Variants in GRIN2B observed in about 807,000 individuals in gnomAD.
GRIN2B encodes glutamate ionotropic receptor NMDA type subunit 2B.
GRIN2B carries 5 observed loss-of-function variants against 114.5 expected under a neutral mutation model. That is an observed-to-expected ratio of 0.04 (90% confidence interval 0.02 to 0.09). GRIN2B has a LOEUF of 0.09. Ranked by LOEUF, GRIN2B falls within the 10% of genes least tolerant of loss-of-function variation. The pLI is 1.00. For synonymous variants in GRIN2B, 787 were observed against 745.1 expected (o/e 1.06, Z -0.92); for missense variants, 1,108 against 1,943.5 (o/e 0.57, Z 8.08).
At chr12:13,571,510 C>T (rs1948708211) in intron 11 of GRIN2B, among the ~76,000 whole-genome samples, 1 of 152,182 alleles carries the variant, frequency 6.6e-6, no homozygotes. Context: ...AATACCTTAT[C>T]CTTCACTCTG....
intron 2 of GRIN2B, among the ~76,000 whole-genome samples, chr12:13,938,955 A>G (rs1038100593): frequency 2.0e-5 from 3 of 152,168 alleles, no homozygotes; most frequent in Non-Finnish European, 2.9e-5. Context: ...TCTTTTTGCC[A>G]TTACATCAAA....
At chr12:13,842,009 T>C (rs1865387827) in intron 3 of GRIN2B, among the ~76,000 whole-genome samples, 1 of 152,084 alleles carries the variant, frequency 6.6e-6, no homozygotes, top group Non-Finnish European at 1.5e-5. Context: ...CAGAAACCTC[T>C]CCTCTAAGCA....
chr12:13,947,316 G>A (rs533668875), intron 2 of GRIN2B, among the ~76,000 whole-genome samples: 17 of 152,108 alleles, frequency 1.1e-4, no homozygotes, highest in Admixed American at 9.8e-4. Context: ...ACTGAGGCTC[G>A]CCATGTGAAT....
chr12:13,906,074 C>T (rs1001855716), intron 2 of GRIN2B, among the ~76,000 whole-genome samples: 15 of 152,148 alleles, frequency 9.9e-5, no homozygotes, highest in African/African-American at 3.6e-4. Flanking sequence ...GCTCCCAATA[C>T]TTTTCTTGGA....
At chr12:13,879,357 T>A (rs1214617327) in intron 2 of GRIN2B, among the ~76,000 whole-genome samples, 2 of 152,174 alleles carry the variant, frequency 1.3e-5, no homozygotes, top group Non-Finnish European at 2.9e-5. Flanking sequence ...ACATAGAAGA[T>A]GTGCAGTAAC....
chr12:13,934,259 A>G (rs546026558), intron 2 of GRIN2B, among the ~76,000 whole-genome samples: 4 of 152,294 alleles, frequency 2.6e-5, no homozygotes, highest in African/African-American at 9.6e-5. Flanking sequence ...GTTTCCATGT[A>G]TGTTTTATTC....
intron 3 of GRIN2B, among the ~76,000 whole-genome samples, chr12:13,845,257 A>G (rs1486705215): frequency 6.6e-6 from 1 of 152,176 alleles, no homozygotes; most frequent in African/African-American, 2.4e-5. Context: ...TATAATCTCT[A>G]ATATATAGGC....
At chr12:13,941,136 T>C (rs59925848) in intron 2 of GRIN2B, among the ~76,000 whole-genome samples, 14,968 of 152,012 alleles carry the variant, frequency 0.098, 1,486 homozygotes, top group East Asian at 0.42. Context: ...GGATTCACAC[T>C]CTCTGTGGCC....
chr12:13,570,601 G>T (rs1181994737), intron 11 of GRIN2B, among the ~76,000 whole-genome samples: 1 of 152,086 alleles, frequency 6.6e-6, no homozygotes, highest in Non-Finnish European at 1.5e-5. Flanking sequence ...AAATACAGAA[G>T]AATTCAGATC....
chr12:13,856,905 C>T (rs1249100778), intron 3 of GRIN2B, among the ~76,000 whole-genome samples: 1 of 152,190 alleles, frequency 6.6e-6, no homozygotes, highest in Non-Finnish European at 1.5e-5. Flanking sequence ...GCTTACTAGA[C>T]ATTTCCACCT....
chr12:13,572,020 G>GA, intron 10 of GRIN2B, 56 bp from the exon 11 acceptor site: 1 of 1,353,150 alleles, frequency 7.4e-7, no homozygotes, highest in Non-Finnish European at 1.0e-6. Flanking sequence ...GAGAGAGAGA[G>GA]AAAAGTCATT....
rs147334423 is a variant in GRIN2B at position 13,538,607 on chromosome 12, G to A, written c.*24176C>T. The A allele has an allele frequency of 4.2e-4, 64 of 152,216 alleles. 1 individual carries two copies. Among genetic ancestry groups the A allele is most frequent in the East Asian group, 3.3e-3 (17 of 5,174 alleles). The allele number at this position is 152,216 out of a possible 1,614,324, so 9.4% of individuals were successfully genotyped here. The stretch of plus-strand genomic sequence containing the variant: ...AGGCAGGCAGATCACTTGAACCCAG[G>A]AGTTCAGAATCAGCCTGGACAACAT... On this transcript the variant is annotated 3_prime_UTR_variant, in exon 14 of 14. Coordinates refer to ENST00000609686, the MANE Select transcript of GRIN2B (RefSeq NM_000834.5).
At chr12:13,816,832 C>T (rs1864831978) in intron 3 of GRIN2B, among the ~76,000 whole-genome samples, 3 of 152,196 alleles carry the variant, frequency 2.0e-5, no homozygotes, top group South Asian at 2.1e-4. Context: ...TATTGGGGAA[C>T]GGGCTGGTAA....
chr12:13,849,744 C>G (rs534687848), intron 3 of GRIN2B, among the ~76,000 whole-genome samples: 1 of 152,306 alleles, frequency 6.6e-6, no homozygotes, highest in African/African-American at 2.4e-5. Context: ...CTGTTCCCAT[C>G]TGATTTCAAA....
chr12:13,832,205 T>G (rs1015526168), intron 3 of GRIN2B, among the ~76,000 whole-genome samples: 1 of 152,228 alleles, frequency 6.6e-6, no homozygotes. Context: ...TTATAAAGCA[T>G]GCTCATAAAT....
rs1948516075 is a variant in GRIN2B at position 13,559,627 on chromosome 12, G to A, written c.*3156C>T. 6.6e-6 allele frequency: 1 copy of A among 152,162 alleles called. No homozygotes were observed. Among genetic ancestry groups the A allele is most frequent in the Non-Finnish European group, 1.5e-5 (1 of 68,038 alleles). 9.4% of individuals were successfully genotyped at this position (152,162 alleles called of 1,614,324 possible). ...ATCATCTCACCACTGAGTTTCTAGT[G>A]GATCCCATCATCTTTTCTAGAAAAG... On this transcript the variant is annotated 3_prime_UTR_variant, in exon 14 of 14. Coordinates refer to ENST00000609686, the MANE Select transcript of GRIN2B (RefSeq NM_000834.5).
At chr12:13,623,089 C>T (rs1949533212) in intron 5 of GRIN2B, among the ~76,000 whole-genome samples, 1 of 152,164 alleles carries the variant, frequency 6.6e-6, no homozygotes. Context: ...ATGCGTGTTT[C>T]CTAAATCAAA....
At position 13,563,064 on chromosome 12, in the gene GRIN2B, C is replaced by T; in HGVS notation, c.4174G>A (p.Gly1392Arg). 6.2e-7 allele frequency: 1 copy of T among 1,614,110 alleles called. No homozygotes were observed. Among genetic ancestry groups the T allele is most frequent in the Non-Finnish European group, 8.5e-7 (1 of 1,180,016 alleles). Residue 1392 changes from glycine to arginine, a missense_variant, in exon 14 of 14, where the codon GGG becomes AGG. Coordinates refer to ENST00000609686, the MANE Select transcript of GRIN2B (RefSeq NM_000834.5). ...VTQNPFIPTFGDDQCLLHGSK... is the reference protein window; with the variant it reads ...VTQNPFIPTFRDDQCLLHGSK... ...CCATGGAGCAAGCACTGGTCGTCCC[C>T]AAAAGTGGGGATGAAAGGGTTTTGC...
intron 4 of GRIN2B, among the ~76,000 whole-genome samples, chr12:13,717,873 G>A (rs747926024): frequency 2.6e-5 from 4 of 151,946 alleles, no homozygotes; most frequent in African/African-American, 4.8e-5. Flanking sequence ...TTCCCTTATA[G>A]CCACCCTTAG....
Sources: gnomAD v4.1 joint callset for allele counts (sites outside exome capture counted in the v4.1 genomes callset) on GRCh38, gnomAD v4.1.1 for gene constraint, MANE v1.5 for transcripts, NCBI Gene and HGNC (gene_info 2026-07-23, HGNC 2026-07-21) for gene names.